The following GABRA3 variants were observed in gnomAD, a reference collection of about 807,000 sequenced individuals.
The protein encoded by GABRA3 is gamma-aminobutyric acid type A receptor subunit alpha3.
In GABRA3, 10 loss-of-function variants were observed where a neutral mutation model predicts 30.1. The observed-to-expected ratio is 0.33, with a 90% CI of 0.20 to 0.56. The LOEUF is 0.56. GABRA3 is among the 20% of genes least tolerant of loss of function. The pLI, the probability that GABRA3 is intolerant of heterozygous loss-of-function variation, is 0.89. For missense variants in GABRA3, 233 were observed against 392.0 expected, an observed-to-expected ratio of 0.59 and a Z score of 3.42; for synonymous variants, 151 against 146.8, an observed-to-expected ratio of 1.03 and a Z score of -0.21.
chrX:152,211,362 G>GT (rs1317501298), intron 6 of GABRA3, among the ~76,000 whole-genome samples: 1 of 109,080 alleles, frequency 9.2e-6, no homozygotes, highest in African/African-American at 3.3e-5. Context: ...GTAGCTATCG[G>GT]TATCTCAGAA....
chrX:152,414,983 A>C (rs1258952271), intron 1 of GABRA3, among the ~76,000 whole-genome samples: 2 of 110,429 alleles, frequency 1.8e-5, no homozygotes, highest in Non-Finnish European at 3.8e-5. Flanking sequence ...ATAAAGACTA[A>C]AAAGATTAGT....
intron 1 of GABRA3, among the ~76,000 whole-genome samples, chrX:152,413,696 A>G (rs1168922758): frequency 9.0e-6 from 1 of 111,441 alleles, no homozygotes; most frequent in Non-Finnish European, 1.9e-5. Flanking sequence ...GAGCTGCATC[A>G]TAGTTCATGG....
intron 1 of GABRA3, among the ~76,000 whole-genome samples, chrX:152,419,198 G>A (rs747331244): frequency 1.8e-5 from 2 of 110,959 alleles, no homozygotes; most frequent in Admixed American, 9.6e-5. Context: ...GTTAAATGAC[G>A]AGTTACTGGG....
intron 3 of GABRA3, among the ~76,000 whole-genome samples, chrX:152,327,222 A>C (rs1940078058): frequency 9.0e-6 from 1 of 111,152 alleles, no homozygotes; most frequent in Non-Finnish European, 1.9e-5. Flanking sequence ...GAGACCTAAA[A>C]GAGACTGAGA....
At chrX:152,339,637 CAGTT>C (rs755189837) in intron 3 of GABRA3, among the ~76,000 whole-genome samples, 1 of 111,946 alleles carries the variant, frequency 8.9e-6, no homozygotes, top group East Asian at 2.8e-4. Context: ...CTATAAATGT[CAGTT>C]AGGTGAAGTT....
At chrX:152,243,189 G>C (rs1938409328) in intron 5 of GABRA3, among the ~76,000 whole-genome samples, 1 of 111,819 alleles carries the variant, frequency 8.9e-6, no homozygotes, top group Non-Finnish European at 1.9e-5. Flanking sequence ...ATGGTGGCCA[G>C]GAAGTGGGAG....
chrX:152,219,770 C>T lies in GABRA3; in HGVS notation c.634+4993G>A, dbSNP rs928349879. Among the ~76,000 whole-genome samples, 5 of 111,040 alleles carry T rather than the reference C, an allele frequency of 4.5e-5. No homozygotes were observed. In the East Asian group the frequency reaches 1.4e-3, roughly 32 times the overall value. ...TAGTAAGTCTATATGCATAAGTATA[C>T]TATACACATAGTATTTTATATGTAT... is the stretch of plus-strand genomic sequence containing the variant. On this transcript the variant is annotated intron_variant, in intron 6 of 9. Transcript: ENST00000370314.
intron 1 of GABRA3, among the ~76,000 whole-genome samples, chrX:152,373,551 T>C (rs1329845900): frequency 8.9e-6 from 1 of 111,875 alleles, no homozygotes; most frequent in Admixed American, 9.5e-5. Flanking sequence ...CATCTATTGT[T>C]TCTTGACTTT....
intron 6 of GABRA3, among the ~76,000 whole-genome samples, chrX:152,222,771 G>C (rs1255670181): frequency 2.7e-5 from 3 of 110,031 alleles, no homozygotes; most frequent in African/African-American, 9.9e-5. Flanking sequence ...CTTGTGCTGG[G>C]TTATAGTTTT....
chrX:152,209,075 T>C (rs1937607487), intron 6 of GABRA3, among the ~76,000 whole-genome samples: 1 of 112,043 alleles, frequency 8.9e-6, no homozygotes, highest in Non-Finnish European at 1.9e-5. Flanking sequence ...ATATTTTAAG[T>C]TAAAAAAGAA....
chrX:152,354,623 T>C (rs1253304698), intron 2 of GABRA3, among the ~76,000 whole-genome samples: 2 of 111,561 alleles, frequency 1.8e-5, no homozygotes, highest in East Asian at 5.7e-4. Flanking sequence ...GAAGCAAATG[T>C]TGCAAATGTT....
At chrX:152,266,515 T>G (rs1190017585) in intron 4 of GABRA3, among the ~76,000 whole-genome samples, 1 of 111,689 alleles carries the variant, frequency 9.0e-6, no homozygotes, top group Non-Finnish European at 1.9e-5. Flanking sequence ...TAGCCAAACT[T>G]AGATTACCAT....
At chrX:152,447,893 T>C (rs930816328) in intron 1 of GABRA3, among the ~76,000 whole-genome samples, 34 of 112,096 alleles carry the variant, frequency 3.0e-4, no homozygotes, top group Admixed American at 1.6e-3. Flanking sequence ...TGCCTGTCTG[T>C]GAACTTTTAT....
At chrX:152,261,790 G>A (rs149547739) in intron 4 of GABRA3, among the ~76,000 whole-genome samples, 2,627 of 112,021 alleles carry the variant, frequency 0.023, 38 homozygotes, top group Middle Eastern at 0.069. Flanking sequence ...GGGTCTGGAG[G>A]ATGGTGGCCC....
intron 2 of GABRA3, among the ~76,000 whole-genome samples, chrX:152,354,346 T>C (rs1603246852): frequency 9.0e-6 from 1 of 111,708 alleles, no homozygotes; most frequent in East Asian, 2.8e-4. Context: ...TTATAAGGAT[T>C]ATATTAATCA....
intron 1 of GABRA3, among the ~76,000 whole-genome samples, chrX:152,404,732 TTTATTA>T (rs201230420): frequency 0.02 from 1,299 of 65,875 alleles, 39 homozygotes; most frequent in African/African-American, 0.049. Flanking sequence ...CAGGAAGTCA[TTTATTA>T]TTATTATTAT....
chrX:152,345,812 T>C, intron 2 of GABRA3, 110 bp from the exon 3 acceptor site: 1 of 669,043 alleles, frequency 1.5e-6, no homozygotes, highest in Non-Finnish European at 2.2e-6. Context: ...GCCAATTACA[T>C]AGACCTATAT....
chrX:152,416,132 C>T (rs1930210628), intron 1 of GABRA3, among the ~76,000 whole-genome samples: 1 of 101,900 alleles, frequency 9.8e-6, no homozygotes, highest in Non-Finnish European at 2.0e-5. Context: ...CCCATTGTCT[C>T]AGCCCAAAAT....
chrX:152,369,000 A>C (rs1011711470), intron 1 of GABRA3, among the ~76,000 whole-genome samples: 9 of 111,223 alleles, frequency 8.1e-5, no homozygotes, highest in African/African-American at 2.3e-4. Context: ...CCACCGCGCT[A>C]GGCCCTATTT....
Sources: allele counts gnomAD v4.1 joint callset (sites outside exome capture counted in the v4.1 genomes callset), GRCh38; gene constraint gnomAD v4.1.1; transcripts MANE v1.5; gene names NCBI Gene and HGNC (gene_info 2026-07-23, HGNC 2026-07-21).